LRCH3: variants seen among roughly 807,000 people sequenced by gnomAD.
The protein encoded by LRCH3 is DISP complex protein LRCH3.
Under a neutral mutation model 104.5 loss-of-function variants are expected in LRCH3, and 68 were observed. The ratio of observed to expected loss-of-function variants is 0.65; its 90% confidence interval spans 0.54 to 0.80. The LOEUF (loss-of-function observed/expected upper bound fraction) is 0.80, where lower values mean the gene tolerates loss of function less well. Ranked by LOEUF, LRCH3 falls within the 30% of genes least tolerant of loss-of-function variation. The pLI, the probability that LRCH3 is intolerant of heterozygous loss-of-function variation, is 0.00. For synonymous variants in LRCH3, 344 were observed against 361.3 expected (o/e 0.95, Z 0.54); for missense variants, 951 against 953.9 (o/e 1.00, Z 0.04).
At chr3:197,825,325 A>C (rs945691108) in intron 4 of LRCH3, among the ~76,000 whole-genome samples, 1 of 143,172 alleles carries the variant, frequency 7.0e-6, no homozygotes, top group East Asian at 2.0e-4. Context: ...CAAACCAGAG[A>C]TCCATATCTT....
chr3:197,876,539 A>G (rs1347617834), intron 20 of LRCH3, among the ~76,000 whole-genome samples: 2 of 152,240 alleles, frequency 1.3e-5, no homozygotes, highest in African/African-American at 4.8e-5. Flanking sequence ...TATTAAACCA[A>G]CTAAGTATTA....
At chr3:197,797,870 AAAACAAAAAAAACAAAAAAAAAAAC>A (rs1234573297) in intron 1 of LRCH3, among the ~76,000 whole-genome samples, 1 of 14,158 alleles carries the variant, frequency 7.1e-5, no homozygotes, top group African/African-American at 8.9e-5. Flanking sequence ...AAAAAAAAAA[AAAACAAAAAAAACAAAAAAAAAAAC>A]AAAACCAGAA....
chr3:197,830,918 T>A, intron 7 of LRCH3, 55 bp downstream of exon 7: 2 of 1,395,510 alleles, frequency 1.4e-6, no homozygotes, highest in Admixed American at 3.4e-5. Context: ...GAAAACAGAA[T>A]GATGAAAATG....
At chr3:197,829,885 A>C (rs969963215) in intron 6 of LRCH3, among the ~76,000 whole-genome samples, 1 of 152,198 alleles carries the variant, frequency 6.6e-6, no homozygotes, top group Non-Finnish European at 1.5e-5. Context: ...GACATTTTAG[A>C]TCAGATAATT....
At chr3:197,794,664 A>C (rs1730987146) in intron 1 of LRCH3, among the ~76,000 whole-genome samples, 1 of 152,194 alleles carries the variant, frequency 6.6e-6, no homozygotes, top group Admixed American at 6.5e-5. Context: ...CATGATTTTG[A>C]ACTTATTGGG....
intron 8 of LRCH3, among the ~76,000 whole-genome samples, chr3:197,833,048 C>A (rs1736174222): frequency 6.6e-6 from 1 of 152,118 alleles, no homozygotes; most frequent in African/African-American, 2.4e-5. Flanking sequence ...TCCTTACCAT[C>A]TTAGATTCTT....
In LRCH3 at chr3:197,835,806, G is replaced by T. The variant is rs752071698; in HGVS notation, c.1235G>T (p.Arg412Leu). ...SSQFMAYIEQ[R>L]RISHEGSPVK... The stretch of plus-strand genomic sequence containing the variant: ...CAGTTTATGGCGTATATTGAACAGC[G>T]GCGAATCTCTCATGAGGTAGTACAC... The change falls in exon 9 of 21, where the codon CGG becomes CTG. Residue 412 changes from arginine (R) to leucine (L), a missense_variant. Physicochemically the swap from Arg to Leu is moderately radical, Grantham distance 102 (BLOSUM62 -2). Transcript: ENST00000425562. The T allele has an allele frequency of 1.2e-6, 2 of 1,614,058 alleles. No homozygotes were observed. Among genetic ancestry groups the T allele is most frequent in the Middle Eastern group, 1.7e-4 (1 of 6,060 alleles).
intron 4 of LRCH3, among the ~76,000 whole-genome samples, chr3:197,823,775 T>C (rs1734775524): frequency 6.6e-6 from 1 of 152,046 alleles, no homozygotes; most frequent in African/African-American, 2.4e-5. Flanking sequence ...TGAGCCACAG[T>C]GCCCAGACTG....
chr3:197,845,526 G>C (rs1390238262), intron 10 of LRCH3, among the ~76,000 whole-genome samples: 1 of 152,016 alleles, frequency 6.6e-6, no homozygotes, highest in African/African-American at 2.4e-5. Context: ...CTTTTTCGGG[G>C]GAGGGTGCTA....
At position 197,810,941 on chromosome 3, in the gene LRCH3, A is replaced by G. The variant is rs1294352914; in HGVS notation, c.263-3967A>G. Reference sequence around the variant, plus strand: ...ATGTTTTGTGATCTCCCTGGGTTACATAATTAATATTAATAGCTAAAATGA... The same window carrying G: ...ATGTTTTGTGATCTCCCTGGGTTACGTAATTAATATTAATAGCTAAAATGA... On this transcript the variant is annotated intron_variant, in intron 1 of 20. Transcript: ENST00000425562. The surrounding 1 kb of genome is among the most constrained non-coding windows in gnomAD (Gnocchi z 4.0). 6.6e-6 allele frequency among the ~76,000 whole-genome samples: 1 copy of G among 152,254 alleles called. No individual in the cohort carries two copies. Among genetic ancestry groups the G allele is most frequent in the Non-Finnish European group, 1.5e-5 (1 of 68,048 alleles).
At chr3:197,830,242 C>T (rs1735747952) in intron 6 of LRCH3, among the ~76,000 whole-genome samples, 1 of 152,170 alleles carries the variant, frequency 6.6e-6, no homozygotes, top group African/African-American at 2.4e-5. Flanking sequence ...CAGTCCCAAC[C>T]ATCTGGAACA....
Position 197,883,477 on chromosome 3 carries a change from C to A in LRCH3, c.2209-64C>A. On this transcript the variant is annotated intron_variant, in intron 20 of 20. Coordinates refer to ENST00000425562, the MANE Select transcript of LRCH3 (RefSeq NM_001365715.1). This position sits in a 1 kb window ranked among gnomAD's most constrained non-coding sequence, Gnocchi z 4.2. ...GGGAGAAGTGCTTATTTTTTCCTTTCAGTTCTATGATATTCATCCGATTTT... is the reference window on the plus strand; with the variant it reads ...GGGAGAAGTGCTTATTTTTTCCTTTAAGTTCTATGATATTCATCCGATTTT... 6.7e-7 allele frequency: 1 copy of A among 1,486,528 alleles called. No individual in the cohort carries two copies. The allele number at this position is 1,486,528 out of a possible 1,614,324, so 92.1% of individuals were successfully genotyped here. A position where few individuals can be genotyped will look rare whatever the true frequency, so the allele number is the denominator to read the frequency against.
intron 7 of LRCH3, chr3:197,831,307 A>G (rs548124231): frequency 2.6e-5 from 4 of 153,538 alleles, no homozygotes; most frequent in Admixed American, 2.6e-4. Context: ...TTTTTAAATT[A>G]TTGATATTAT....
chr3:197,882,477 GT>G, intron 20 of LRCH3: 1 of 945,178 alleles, frequency 1.1e-6, no homozygotes. Flanking sequence ...ATTGTAACTG[GT>G]TTTATAAAAT....
At chr3:197,844,833 A>G (rs886198143) in intron 10 of LRCH3, among the ~76,000 whole-genome samples, 2 of 151,710 alleles carry the variant, frequency 1.3e-5, no homozygotes, top group African/African-American at 4.8e-5. Context: ...GTTGACCAGG[A>G]TGGCCTCTTA....
rs147782615 is a variant in LRCH3, at chr3:197,858,075, A to G, written c.1645-759A>G. Among the ~76,000 whole-genome samples the G allele has an allele frequency of 7.3e-3, 1,112 of 152,250 alleles. 36 individuals are homozygous for G. The highest frequency in any genetic ancestry group is 0.048 in the Admixed American group (733 of 15,282). ...GGCATTTTGTTGTTTTAATAGGTAA[A>G]ACCTTATCCAGGGCTCTTTGTGAAA... On this transcript the variant is annotated intron_variant, in intron 14 of 20. Coordinates refer to ENST00000425562, the MANE Select transcript of LRCH3 (RefSeq NM_001365715.1).
intron 17 of LRCH3, among the ~76,000 whole-genome samples, chr3:197,867,234 G>A (rs1031942425): frequency 4.6e-5 from 7 of 151,924 alleles, no homozygotes; most frequent in East Asian, 1.9e-4. Flanking sequence ...CCAAGATGGC[G>A]CCACTATACT....
chr3:197,804,603 GCT>G (rs1732267457), intron 1 of LRCH3, among the ~76,000 whole-genome samples: 1 of 152,090 alleles, frequency 6.6e-6, no homozygotes, highest in Non-Finnish European at 1.5e-5. Flanking sequence ...CAGAAACAGG[GCT>G]CTACTACTCA....
chr3:197,808,108 T>C (rs1036836559), intron 1 of LRCH3, among the ~76,000 whole-genome samples: 1 of 152,180 alleles, frequency 6.6e-6, no homozygotes, highest in African/African-American at 2.4e-5. Flanking sequence ...TGTTTGGAGG[T>C]AGTACTTTTA....
Sources: gnomAD v4.1 joint callset for allele counts (sites outside exome capture counted in the v4.1 genomes callset) on GRCh38, gnomAD v4.1.1 for gene constraint, Gnocchi (gnomAD v3.1) non-coding constraint, MANE v1.5 for transcripts, NCBI Gene and HGNC (gene_info 2026-07-23, HGNC 2026-07-21) for gene names.